The following EBAG9 variants were observed in gnomAD, a reference collection of about 807,000 sequenced individuals.
EBAG9 encodes the protein estrogen receptor binding site associated antigen 9.
Under a neutral mutation model 30.9 loss-of-function variants are expected in EBAG9, and 16 were observed. The observed-to-expected ratio is 0.52, with a 90% confidence interval of 0.35 to 0.79. EBAG9 has a LOEUF of 0.79. Among genes scored for constraint, EBAG9 ranks in the 30% least tolerant of loss-of-function variants. The pLI, the probability that EBAG9 is intolerant of heterozygous loss-of-function variation, is 0.01. For synonymous variants in EBAG9, 93 were observed against 82.8 expected, an observed-to-expected ratio of 1.12 and a Z score of -0.67; for missense variants, 197 against 242.1, an observed-to-expected ratio of 0.81 and a Z score of 1.24.
intron 5 of EBAG9, among the ~76,000 whole-genome samples, chr8:109,559,183 G>T (rs1821662176): frequency 6.6e-6 from 1 of 152,182 alleles, no homozygotes; most frequent in African/African-American, 2.4e-5. Context: ...TAGGCCCAGT[G>T]AGGTGTTACA....
At chr8:109,554,027 A>G in intron 3 of EBAG9, 84 bp downstream of exon 3, 5 of 912,590 alleles carry the variant, frequency 5.5e-6, no homozygotes, top group South Asian at 2.1e-5. Flanking sequence ...TAAAAACTGG[A>G]TTGCAGATCA....
chr8:109,552,311 T>C (rs1821510653), intron 2 of EBAG9, among the ~76,000 whole-genome samples: 2 of 149,644 alleles, frequency 1.3e-5, no homozygotes, highest in Admixed American at 6.7e-5. Context: ...GTGGGTGAAA[T>C]GATCATCTCT....
chr8:109,561,215 TTATA>T (rs140792246), intron 6 of EBAG9, among the ~76,000 whole-genome samples: 1 of 148,876 alleles, frequency 6.7e-6, no homozygotes, highest in African/African-American at 2.5e-5. Context: ...TATATATGTT[TTATA>T]TATATATATA....
intron 1 of EBAG9, among the ~76,000 whole-genome samples, chr8:109,549,289 A>G (rs1821448059): frequency 6.6e-6 from 1 of 151,962 alleles, no homozygotes; most frequent in Admixed American, 6.6e-5. Flanking sequence ...ATATTGTTGG[A>G]TTTAATTTAC....
At chr8:109,554,985 C>G in intron 4 of EBAG9, 98 bp downstream of exon 4, 3 of 958,418 alleles carry the variant, frequency 3.1e-6, no homozygotes, top group Non-Finnish European at 4.3e-6. Flanking sequence ...AAGCCTATTT[C>G]TTTTTTTTTT....
intron 1 of EBAG9, among the ~76,000 whole-genome samples, chr8:109,547,635 C>A (rs1297888667): frequency 6.6e-6 from 1 of 151,998 alleles, no homozygotes; most frequent in Non-Finnish European, 1.5e-5. Context: ...TGCCCGCGAC[C>A]ATGCCCGGCT....
intron 2 of EBAG9, among the ~76,000 whole-genome samples, chr8:109,552,788 A>G (rs2131115334): frequency 6.6e-6 from 1 of 152,244 alleles, no homozygotes; most frequent in Non-Finnish European, 1.5e-5. Context: ...GGAACCTTAG[A>G]CCATGTATTT....
Position 109,564,679 on chromosome 8 carries a change from A to G in EBAG9, c.*120A>G. On this transcript the variant is annotated 3_prime_UTR_variant, in exon 7 of 7. Coordinates refer to ENST00000337573, the MANE Select transcript of EBAG9 (RefSeq NM_004215.5). ...ACTGCTTGATTTTAATACATTGATCAGGCCATCCAGGACACCACGATTCTC... is the reference window on the plus strand; with the variant it reads ...ACTGCTTGATTTTAATACATTGATCGGGCCATCCAGGACACCACGATTCTC... The G allele has an allele frequency of 1.4e-6, 2 of 1,406,116 alleles. No homozygotes were observed. Among genetic ancestry groups the G allele is most frequent in the Middle Eastern group, 1.9e-4 (1 of 5,146 alleles). 87.1% of individuals were successfully genotyped at this position (1,406,116 alleles called of 1,614,324 possible).
chr8:109,541,259 A>T (rs1821268511), intron 1 of EBAG9, among the ~76,000 whole-genome samples: 1 of 152,170 alleles, frequency 6.6e-6, no homozygotes, highest in African/African-American at 2.4e-5. Flanking sequence ...TTTTAAAGCA[A>T]CTAAAGTGTA....
At chr8:109,563,570 T>C (rs1821750961) in intron 6 of EBAG9, 2 of 1,514,204 alleles carry the variant, frequency 1.3e-6, no homozygotes, top group East Asian at 2.3e-5. Context: ...AGTAAATACC[T>C]ACCACTCTTT....
chr8:109,555,679 A>C (rs1821584896), intron 4 of EBAG9, among the ~76,000 whole-genome samples: 1 of 152,176 alleles, frequency 6.6e-6, no homozygotes, highest in Non-Finnish European at 1.5e-5. Context: ...TAAGAACTTA[A>C]GAGTAATTGT....
At chr8:109,544,056 A>G (rs565584754) in intron 1 of EBAG9, among the ~76,000 whole-genome samples, 1 of 149,544 alleles carries the variant, frequency 6.7e-6, no homozygotes, top group South Asian at 2.1e-4. Context: ...AAAAAAAAGT[A>G]TGTTATAGTA....
chr8:109,542,773 G>T (rs1821302805), intron 1 of EBAG9, among the ~76,000 whole-genome samples: 1 of 151,894 alleles, frequency 6.6e-6, no homozygotes, highest in Non-Finnish European at 1.5e-5. Context: ...GTAACTGAAG[G>T]TACCAAATGA....
chr8:109,550,022 C>G (rs1002451965), intron 1 of EBAG9, among the ~76,000 whole-genome samples: 1 of 152,002 alleles, frequency 6.6e-6, no homozygotes, highest in African/African-American at 2.4e-5. Flanking sequence ...ACAATCTCTG[C>G]TTTTCAATTG....
chr8:109,556,002 A>G (rs1383161728), intron 4 of EBAG9, among the ~76,000 whole-genome samples: 1 of 152,144 alleles, frequency 6.6e-6, no homozygotes, highest in Non-Finnish European at 1.5e-5. Flanking sequence ...CTTGTTTACC[A>G]GTAACAGACA....
rs186345034 is a variant in EBAG9, at chr8:109,544,156, A to C, written c.-16+3695A>C. Among the ~76,000 whole-genome samples the C allele has an allele frequency of 4.6e-3, 704 of 152,308 alleles. 2 individuals carry two copies. The highest frequency in any genetic ancestry group is 0.024 in the Middle Eastern group (7 of 294). ...TATGCTCATGTAAGGTAATTAAAAA[A>C]CTAATTAACATTTCAATTTTAAAAA... On this transcript the variant is annotated intron_variant, in intron 1 of 6. Transcript: ENST00000337573.
At chr8:109,557,547 C>G (rs1314914296) in intron 5 of EBAG9, among the ~76,000 whole-genome samples, 1 of 152,002 alleles carries the variant, frequency 6.6e-6, no homozygotes, top group African/African-American at 2.4e-5. Flanking sequence ...ATGTCCAGAC[C>G]CCTCCCTACC....
intron 1 of EBAG9, among the ~76,000 whole-genome samples, chr8:109,548,076 A>C (rs1821421690): frequency 6.6e-6 from 1 of 152,030 alleles, no homozygotes. Context: ...CCAGGGTCAC[A>C]AAGTTGTGTT....
rs374990694 is a variant in EBAG9, at chr8:109,546,919, ATTTG to A, written c.-15-3885_-15-3882del. Reference sequence around the variant, plus strand: ...TAGTCTGTTGTATTTATATACTACAATTTGTTTGTCCACTCACCTGTTGATATAC... The same window carrying A: ...TAGTCTGTTGTATTTATATACTACAATTTGTCCACTCACCTGTTGATATAC... On this transcript the variant is annotated intron_variant, in intron 1 of 6. Transcript: ENST00000337573. Among the ~76,000 whole-genome samples the A allele has an allele frequency of 5.9e-4, 90 of 152,286 alleles. 1 individual carries two copies. Among genetic ancestry groups the A allele is most frequent in the African/African-American group, 2.0e-3 (83 of 41,566 alleles).
Sources: allele counts gnomAD v4.1 joint callset (sites outside exome capture counted in the v4.1 genomes callset), GRCh38; gene constraint gnomAD v4.1.1; transcripts MANE v1.5; gene names NCBI Gene and HGNC (gene_info 2026-07-23, HGNC 2026-07-21).